Variants in JAKMIP2 observed in about 807,000 individuals in gnomAD.
The protein encoded by JAKMIP2 is janus kinase and microtubule interacting protein 2, also known as janus kinase and microtubule-interacting protein 2.
Under a neutral mutation model 115.0 loss-of-function variants are expected in JAKMIP2, and 25 were observed. The ratio of observed to expected loss-of-function variants is 0.22; its 90% CI spans 0.16 to 0.30. The LOEUF (loss-of-function observed/expected upper bound fraction) is 0.30. Ranked by LOEUF, JAKMIP2 falls within the 10% of genes least tolerant of loss-of-function variation. JAKMIP2 has a pLI of 1.00. For missense variants in JAKMIP2, 642 were observed against 957.6 expected (o/e 0.67, Z 4.35); for synonymous variants, 334 against 343.6 (o/e 0.97, Z 0.31).
Position 147,619,750 on chromosome 5 carries a change from T to A in JAKMIP2, c.2142+916A>T, listed in dbSNP as rs75883263. ...GGGAGACAAAAAGGCACAGCCCATT[T>A]ACCATGGAAGCCTCAGTTACTGTGG... On this transcript the variant is annotated intron_variant, in intron 18 of 21. Transcript: ENST00000616793. Among the ~76,000 whole-genome samples, 234 of 152,214 alleles carry A rather than the reference T, an allele frequency of 1.5e-3. 2 individuals are homozygous for A. Among genetic ancestry groups the A allele is most frequent in the African/African-American group, 5.5e-3 (228 of 41,534 alleles).
chr5:147,642,809 G>T lies in JAKMIP2; in HGVS notation c.1225-1045C>A, dbSNP rs151103440. 1.1e-4 allele frequency among the ~76,000 whole-genome samples: 16 copies of T among 152,262 alleles called. 1 individual carries two copies. Among genetic ancestry groups the T allele is most frequent in the Admixed American group, 2.0e-4 (3 of 15,286 alleles). ...ATTGTTCCTGGGTGTGTCTACGTGG[G>T]TGTTGCCAAAGGAGGTTTAACGTTT... is the stretch of plus-strand genomic sequence containing the variant. On this transcript the variant is annotated intron_variant, in intron 7 of 21. Coordinates refer to ENST00000616793, the MANE Select transcript of JAKMIP2 (RefSeq NM_001270941.2).
At chr5:147,639,948 T>TTTCAA (rs1456358739) in intron 9 of JAKMIP2, among the ~76,000 whole-genome samples, 188 bp from the exon 10 acceptor site, 1 of 152,232 alleles carries the variant, frequency 6.6e-6, no homozygotes, top group African/African-American at 2.4e-5. Flanking sequence ...AGATGGACAC[T>TTTCAA]GCAGAAATAC....
intron 1 of JAKMIP2, among the ~76,000 whole-genome samples, chr5:147,766,406 AC>A (rs1165283758): frequency 1.3e-5 from 2 of 152,196 alleles, no homozygotes; most frequent in African/African-American, 4.8e-5. Context: ...TTAACAATTA[AC>A]AAAACAAAAA....
chr5:147,777,855 G>T (rs1481304047), intron 1 of JAKMIP2, among the ~76,000 whole-genome samples: 1 of 152,094 alleles, frequency 6.6e-6, no homozygotes. Context: ...AAGAAAAAGA[G>T]ACACCAGAAA....
chr5:147,623,958 C>T (rs1458550665), intron 16 of JAKMIP2, among the ~76,000 whole-genome samples: 1 of 152,092 alleles, frequency 6.6e-6, no homozygotes, highest in Non-Finnish European at 1.5e-5. Flanking sequence ...CCTCAGCCTC[C>T]CGAGTAGCTG....
chr5:147,591,576 A>G lies in JAKMIP2; in HGVS notation c.*131T>C. 1 of 933,776 alleles carries G rather than the reference A, an allele frequency of 1.1e-6. No individual in the cohort carries two copies. The highest frequency in any genetic ancestry group is 1.7e-6 in the Non-Finnish European group (1 of 577,074). 57.8% of individuals were successfully genotyped at this position (933,776 alleles called of 1,614,324 possible). On this transcript the variant is annotated 3_prime_UTR_variant, in exon 22 of 22. Transcript: ENST00000616793. Reference sequence around the variant, plus strand: ...AATACACAGTTGTAGTCCTGGCTACAGGGTAGTTCTTAGCTTTTGATCTCC... The same window carrying G: ...AATACACAGTTGTAGTCCTGGCTACGGGGTAGTTCTTAGCTTTTGATCTCC...
intron 1 of JAKMIP2, among the ~76,000 whole-genome samples, chr5:147,778,192 CTGATTT>C (rs1206774200): frequency 6.6e-6 from 1 of 152,092 alleles, no homozygotes; most frequent in Admixed American, 6.6e-5. Flanking sequence ...CAACAAAGTT[CTGATTT>C]TCACCCAAAC....
At chr5:147,725,703 C>G (rs1753491391) in intron 1 of JAKMIP2, among the ~76,000 whole-genome samples, 1 of 152,102 alleles carries the variant, frequency 6.6e-6, no homozygotes, top group African/African-American at 2.4e-5. Context: ...AACTTGGGTT[C>G]CAGCCCCAAC....
chr5:147,697,716 G>A (rs1227450993), intron 1 of JAKMIP2, among the ~76,000 whole-genome samples: 1 of 152,206 alleles, frequency 6.6e-6, no homozygotes, highest in Non-Finnish European at 1.5e-5. Context: ...TCCACATAAT[G>A]ATGAGCCTGC....
rs763672214 is a variant in JAKMIP2, at chr5:147,644,894, T to C, written c.1039A>G (p.Met347Val). Residue 347 changes from methionine to valine, a missense_variant, in exon 6 of 22, where the codon ATG becomes GTG. Physicochemically the swap from Met to Val is conservative, Grantham distance 21. This residue lies in a region of JAKMIP2 where 439 missense variants were observed against 570.9 expected (regional missense o/e 0.77). Transcript: ENST00000616793. ...NDELMVSLQR[M>V]EEKLKAVTKE... Reference sequence around the variant, plus strand: ...GTAACGGCTTTTAGTTTTTCTTCCATGCGCTGCAAGGACACCATCAGTTCA... The same window carrying C: ...GTAACGGCTTTTAGTTTTTCTTCCACGCGCTGCAAGGACACCATCAGTTCA... 5 of 1,613,912 alleles carry C rather than the reference T, an allele frequency of 3.1e-6. No homozygotes were observed. Among genetic ancestry groups the C allele is most frequent in the Non-Finnish European group, 4.2e-6 (5 of 1,179,896 alleles).
intron 1 of JAKMIP2, among the ~76,000 whole-genome samples, chr5:147,720,387 C>G (rs1374497546): frequency 1.3e-5 from 2 of 148,622 alleles, no homozygotes; most frequent in Admixed American, 1.3e-4. Flanking sequence ...TGAATCTGAA[C>G]GTTGGCCTGC....
intron 17 of JAKMIP2, among the ~76,000 whole-genome samples, chr5:147,623,196 G>A (rs925161768): frequency 7.3e-5 from 11 of 150,750 alleles, no homozygotes; most frequent in African/African-American, 2.7e-4. Context: ...ACAGGTGTGA[G>A]CCACTGCACT....
intron 1 of JAKMIP2, among the ~76,000 whole-genome samples, chr5:147,721,760 A>G (rs1005687470): frequency 2.0e-5 from 3 of 151,990 alleles, no homozygotes; most frequent in Non-Finnish European, 4.4e-5. Context: ...GGCACTCCCT[A>G]GTGAGATGAA....
chr5:147,646,615 G>A (rs528735764), intron 5 of JAKMIP2, among the ~76,000 whole-genome samples: 3 of 151,860 alleles, frequency 2.0e-5, no homozygotes, highest in South Asian at 4.1e-4. Flanking sequence ...GTGTTTGTGT[G>A]TGTATATATG....
intron 1 of JAKMIP2, among the ~76,000 whole-genome samples, chr5:147,712,786 C>T (rs756140019): frequency 2.6e-5 from 4 of 152,128 alleles, no homozygotes; most frequent in Admixed American, 2.0e-4. Context: ...GCTATGCCTA[C>T]GAATGCTTAA....
chr5:147,690,550 T>C (rs1204273431), intron 1 of JAKMIP2, among the ~76,000 whole-genome samples: 4 of 55,650 alleles, frequency 7.2e-5, no homozygotes, highest in African/African-American at 4.6e-4. Flanking sequence ...TATATATATA[T>C]ATATATATAT....
At chr5:147,595,560 T>C (rs1755334374) in intron 21 of JAKMIP2, 1 of 454,666 alleles carries the variant, frequency 2.2e-6, no homozygotes, top group Non-Finnish European at 4.4e-6. Flanking sequence ...ACATTACTAT[T>C]ACTCATAAAT....
intron 14 of JAKMIP2, among the ~76,000 whole-genome samples, chr5:147,631,112 A>T (rs1757329468): frequency 6.6e-6 from 1 of 152,204 alleles, no homozygotes; most frequent in Admixed American, 6.5e-5. Flanking sequence ...TATTAAATCG[A>T]ATTCACATTT....
rs1755040636 is a variant in JAKMIP2 at position 147,590,097 on chromosome 5, T to C, written c.*1610A>G. 6.6e-6 allele frequency: 1 copy of C among 152,202 alleles called. No homozygotes were observed. The highest frequency in any genetic ancestry group is 6.5e-5 in the Admixed American group (1 of 15,282). 9.4% of individuals were successfully genotyped at this position (152,202 alleles called of 1,614,324 possible). On this transcript the variant is annotated 3_prime_UTR_variant, in exon 22 of 22. Coordinates refer to ENST00000616793, the MANE Select transcript of JAKMIP2 (RefSeq NM_001270941.2). The stretch of plus-strand genomic sequence containing the variant: ...AACAAAAAGTGGGACCCCAGCATTC[T>C]AGTTTTTATTGTACATTCTTCAGTT...
Sources: allele counts gnomAD v4.1 joint callset (sites outside exome capture counted in the v4.1 genomes callset), GRCh38; gene constraint gnomAD v4.1.1; regional missense constraint gnomAD v4.1.1; transcripts MANE v1.5; gene names NCBI Gene and HGNC (gene_info 2026-07-23, HGNC 2026-07-21).